Variants in RAVER2 observed in about 807,000 individuals in gnomAD.
RAVER2 encodes ribonucleoprotein PTB-binding 2.
Under a neutral mutation model 78.1 loss-of-function variants are expected in RAVER2, and 46 were observed. That is an observed-to-expected ratio of 0.59 (90% CI 0.46 to 0.75). RAVER2 has a LOEUF of 0.75. RAVER2 is among the 30% of genes least tolerant of loss of function. The probability of loss-of-function intolerance (pLI) is 0.00; values close to 1 mark genes in which losing one functional copy is unlikely to be tolerated. For synonymous variants in RAVER2, 311 were observed against 313.3 expected, an observed-to-expected ratio of 0.99 and a Z score of 0.08; for missense variants, 793 against 837.5, an observed-to-expected ratio of 0.95 and a Z score of 0.66.
At chr1:64,821,297 T>C (rs1306509356) in intron 11 of RAVER2, among the ~76,000 whole-genome samples, 2 of 152,216 alleles carry the variant, frequency 1.3e-5, no homozygotes, top group Admixed American at 6.5e-5. Flanking sequence ...TGCTGGATAT[T>C]AGCCCTTTGT....
At chr1:64,754,680 A>AG (rs1299140094) in intron 1 of RAVER2, among the ~76,000 whole-genome samples, 1 of 152,194 alleles carries the variant, frequency 6.6e-6, no homozygotes, top group Non-Finnish European at 1.5e-5. Context: ...TATTATTTCA[A>AG]GGGGGTATGG....
At chr1:64,750,929 G>A (rs1349276634) in intron 1 of RAVER2, among the ~76,000 whole-genome samples, 1 of 152,208 alleles carries the variant, frequency 6.6e-6, no homozygotes, top group Non-Finnish European at 1.5e-5. Flanking sequence ...ACTGAAAGCT[G>A]CTAGGGAAAT....
At chr1:64,750,825 A>C (rs1482796721) in intron 1 of RAVER2, among the ~76,000 whole-genome samples, 2 of 152,166 alleles carry the variant, frequency 1.3e-5, no homozygotes, top group East Asian at 3.8e-4. Flanking sequence ...TTATCTATTA[A>C]ATTTTCTTTT....
intron 3 of RAVER2, 61 bp downstream of exon 3, chr1:64,778,153 C>T: frequency 8.6e-7 from 1 of 1,169,556 alleles, no homozygotes; most frequent in Non-Finnish European, 1.2e-6. Flanking sequence ...ATCTAATCTA[C>T]ATACACTCAC....
intron 1 of RAVER2, among the ~76,000 whole-genome samples, chr1:64,751,603 G>A (rs1352588395): frequency 6.6e-6 from 1 of 151,962 alleles, no homozygotes; most frequent in Non-Finnish European, 1.5e-5. Flanking sequence ...TTAGATACGG[G>A]ATGTTGCTAT....
chr1:64,755,499 T>C (rs1418357701), intron 1 of RAVER2, among the ~76,000 whole-genome samples: 1 of 152,124 alleles, frequency 6.6e-6, no homozygotes, highest in Non-Finnish European at 1.5e-5. Context: ...TTTCATTGTC[T>C]CTCTTCCTGC....
chr1:64,808,456 C>CTT (rs71584460), intron 9 of RAVER2, among the ~76,000 whole-genome samples: 3,294 of 102,890 alleles, frequency 0.032, 232 homozygotes, highest in African/African-American at 0.096. Flanking sequence ...TAATGCAGTC[C>CTT]TTTTTTTTTT....
At position 64,823,120 on chromosome 1, in the gene RAVER2, G is replaced by A. The variant is rs1399040450; in HGVS notation, c.1930-7719G>A. Reference sequence around the variant, plus strand: ...AATTCAATTGTGGTGATAGTTGTTCGTAAGTTGGTGAACCTTGTGAATCAA... The same window carrying A: ...AATTCAATTGTGGTGATAGTTGTTCATAAGTTGGTGAACCTTGTGAATCAA... On this transcript the variant is annotated intron_variant, in intron 11 of 11. Transcript: ENST00000294428. Among the ~76,000 whole-genome samples, 4 of 152,250 alleles carry A rather than the reference G, an allele frequency of 2.6e-5. No individual in the cohort carries two copies. The East Asian group carries it at 5.8e-4, about 22-fold the overall frequency.
intron 1 of RAVER2, 82 bp from the exon 2 acceptor site, chr1:64,768,574 T>C: frequency 3.7e-6 from 3 of 800,508 alleles, no homozygotes; most frequent in South Asian, 3.0e-5. Context: ...GTAATGGTGG[T>C]GGTGGTGGTA....
chr1:64,827,114 T>C (rs527763012), intron 11 of RAVER2, among the ~76,000 whole-genome samples: 1 of 152,270 alleles, frequency 6.6e-6, no homozygotes, highest in East Asian at 1.9e-4. Context: ...ATCGCTATAA[T>C]TGTGAATTGC....
At chr1:64,788,810 A>G (rs947423674) in intron 4 of RAVER2, among the ~76,000 whole-genome samples, 2 of 151,920 alleles carry the variant, frequency 1.3e-5, no homozygotes, top group African/African-American at 4.8e-5. Context: ...AAAAAAAAGA[A>G]GATTTTGAAT....
chr1:64,824,647 C>T (rs1426352528), intron 11 of RAVER2, among the ~76,000 whole-genome samples: 1 of 151,802 alleles, frequency 6.6e-6, no homozygotes, highest in Admixed American at 6.6e-5. Flanking sequence ...AAATGTATTT[C>T]GGCTGGGCGG....
At chr1:64,746,777 T>C (rs895637872) in intron 1 of RAVER2, among the ~76,000 whole-genome samples, 9 of 152,188 alleles carry the variant, frequency 5.9e-5, no homozygotes, top group African/African-American at 1.7e-4. Context: ...ACACCTGCAA[T>C]GGACTGATTT....
chr1:64,807,448 C>G, exon 9 of RAVER2: 2 of 1,613,840 alleles, frequency 1.2e-6, no homozygotes, highest in East Asian at 2.2e-5. Flanking sequence ...GCAAAGCCAG[C>G]CAAAAGGCAC....
At chr1:64,757,624 C>A (rs1651890428) in intron 1 of RAVER2, among the ~76,000 whole-genome samples, 2 of 152,150 alleles carry the variant, frequency 1.3e-5, no homozygotes, top group Admixed American at 1.3e-4. Flanking sequence ...TTAGGGTAGC[C>A]TGAGCTGACT....
At chr1:64,780,978 A>T (rs1652609276) in intron 3 of RAVER2, among the ~76,000 whole-genome samples, 2 of 152,154 alleles carry the variant, frequency 1.3e-5, no homozygotes, top group African/African-American at 4.8e-5. Flanking sequence ...TTTATTTTCC[A>T]TTGATGTGTG....
At chr1:64,766,722 T>C (rs1652184897) in intron 1 of RAVER2, among the ~76,000 whole-genome samples, 1 of 152,094 alleles carries the variant, frequency 6.6e-6, no homozygotes, top group Admixed American at 6.6e-5. Flanking sequence ...TAGCATTTGA[T>C]GGCTGTTAAC....
chr1:64,789,251 TATATA>T (rs1322776762), intron 4 of RAVER2, 132 bp from the exon 5 acceptor site: 6 of 694,440 alleles, frequency 8.6e-6, no homozygotes, highest in Admixed American at 3.8e-5. Context: ...ATAAAATAGA[TATATA>T]ATATAAATCA....
At chr1:64,765,259 G>A (rs72675415) in intron 1 of RAVER2, among the ~76,000 whole-genome samples, 7,847 of 152,298 alleles carry the variant, frequency 0.052, 320 homozygotes, top group Admixed American at 0.14. Context: ...TCCTTGAGGA[G>A]CTCTTGCACA....
Sources: gnomAD v4.1 joint callset for allele counts (sites outside exome capture counted in the v4.1 genomes callset) on GRCh38, gnomAD v4.1.1 for gene constraint, MANE v1.5 for transcripts, NCBI Gene and HGNC (gene_info 2026-07-23, HGNC 2026-07-21) for gene names.